Variants in AADAT observed in about 807,000 individuals in gnomAD.
AADAT encodes kynurenine/alpha-aminoadipate aminotransferase, mitochondrial.
Under a neutral mutation model 56.2 loss-of-function variants are expected in AADAT, and 25 were observed. The observed-to-expected ratio is 0.44, with a 90% CI of 0.32 to 0.62. The LOEUF is 0.62. AADAT is among the 20% of genes least tolerant of loss of function. AADAT has a pLI of 0.04. For missense variants in AADAT, 387 were observed against 510.5 expected (o/e 0.76, Z 2.33); for synonymous variants, 173 against 164.7 (o/e 1.05, Z -0.39).
intron 10 of AADAT, 67 bp downstream of exon 10, chr4:170,066,347 C>T (rs1731460934): frequency 7.7e-7 from 1 of 1,297,408 alleles, no homozygotes; most frequent in African/African-American, 1.5e-5. Flanking sequence ...TAGTAATATT[C>T]AGTGTTTATC....
At chr4:170,093,192 G>A (rs1209002675), upstream of AADAT, among the ~76,000 whole-genome samples, 7 of 152,132 alleles carry the variant, frequency 4.6e-5, no homozygotes, top group Admixed American at 2.6e-4. Flanking sequence ...ACTTTGGGAG[G>A]CCAAGGTGGG....
intron 11 of AADAT, among the ~76,000 whole-genome samples, chr4:170,062,747 T>A (rs1731256095): frequency 6.6e-6 from 1 of 152,134 alleles, no homozygotes; most frequent in African/African-American, 2.4e-5. Flanking sequence ...AGAAGCCAGG[T>A]AAGAGATGTC....
Position 170,089,806 on chromosome 4 carries a change from T to A in AADAT, c.-116A>T. The A allele has an allele frequency of 2.8e-6, 3 of 1,058,310 alleles. No individual in the cohort carries two copies. Among genetic ancestry groups the A allele is most frequent in the Non-Finnish European group, 2.8e-6 (2 of 710,382 alleles). 65.6% of individuals were successfully genotyped at this position (1,058,310 alleles called of 1,614,324 possible). On this transcript the variant is annotated 5_prime_UTR_variant, in exon 1 of 13. Transcript: ENST00000337664. ...TCACTCTGGCAACGCCACCGCGAGA[T>A]GTGTCCCCCCGCTGCGTCTGGCTTC...
intron 3 of AADAT, among the ~76,000 whole-genome samples, chr4:170,079,957 A>G (rs575389362): frequency 7.2e-5 from 11 of 152,202 alleles, no homozygotes; most frequent in Non-Finnish European, 1.3e-4. Context: ...GGACTGAGCT[A>G]CAGGGAACTC....
chr4:170,085,253 T>C (rs1581596368), intron 3 of AADAT, among the ~76,000 whole-genome samples: 1 of 152,206 alleles, frequency 6.6e-6, no homozygotes, highest in East Asian at 1.9e-4. Flanking sequence ...ATATGCAGAT[T>C]TTCAACTGCA....
chr4:170,070,445 T>A, intron 6 of AADAT, 142 bp downstream of exon 6: 1 of 597,290 alleles, frequency 1.7e-6, no homozygotes, highest in Non-Finnish European at 2.9e-6. Flanking sequence ...AGTAAAGTAG[T>A]AGCAAATTAA....
chr4:170,094,093 G>T (rs1028018940), upstream of AADAT, among the ~76,000 whole-genome samples: 1 of 152,156 alleles, frequency 6.6e-6, no homozygotes, highest in Non-Finnish European at 1.5e-5. Flanking sequence ...GAGACGGTTG[G>T]GGGTGCTGAT....
At chr4:170,080,406 CT>C (rs2111194428) in intron 3 of AADAT, among the ~76,000 whole-genome samples, 1 of 152,300 alleles carries the variant, frequency 6.6e-6, no homozygotes, top group South Asian at 2.1e-4. Context: ...TCCCCACCAT[CT>C]TTGGTTCCCT....
intron 11 of AADAT, among the ~76,000 whole-genome samples, chr4:170,063,476 A>G (rs1284440287): frequency 6.6e-6 from 1 of 152,258 alleles, no homozygotes; most frequent in Non-Finnish European, 1.5e-5. Flanking sequence ...AAAAGAATGT[A>G]TCAAATTGAT....
chr4:170,061,872 G>A lies in AADAT; in HGVS notation c.1236+20C>T. On this transcript the variant is annotated intron_variant, in intron 12 of 12. Transcript: ENST00000337664. The stretch of plus-strand genomic sequence containing the variant: ...CAGAACTGCTAGCTAGTGTTACTCT[G>A]AGGAGAATACTACACTCACCACATC... 1 of 1,567,004 alleles carries A rather than the reference G, an allele frequency of 6.4e-7. No individual in the cohort carries two copies. The highest frequency in any genetic ancestry group is 1.4e-5 in the African/African-American group (1 of 73,770).
At chr4:170,093,937 T>C (rs1423570549), upstream of AADAT, among the ~76,000 whole-genome samples, 1 of 152,202 alleles carries the variant, frequency 6.6e-6, no homozygotes, top group African/African-American at 2.4e-5. Context: ...TAATTGATTT[T>C]TTTACCCCCT....
rs1360571291 is a variant in AADAT at position 170,060,912 on chromosome 4, AC to A, written c.*15del. The A allele has an allele frequency of 1.3e-6, 2 of 1,541,142 alleles. No individual in the cohort carries two copies. Among genetic ancestry groups the A allele is most frequent in the African/African-American group, 2.8e-5 (2 of 72,672 alleles). ...TTATAGGTGTGAGCCACCATGCCCA[AC>A]CTAGTTTAATTTCTTCATAAAGATT... On this transcript the variant is annotated 3_prime_UTR_variant, in exon 13 of 13. Coordinates refer to ENST00000337664, the MANE Select transcript of AADAT (RefSeq NM_016228.4).
intron 4 of AADAT, among the ~76,000 whole-genome samples, chr4:170,077,053 T>C (rs964508310): frequency 6.6e-6 from 1 of 152,212 alleles, no homozygotes; most frequent in Non-Finnish European, 1.5e-5. Flanking sequence ...TCTATTCTAT[T>C]GGTCTATATG....
At chr4:170,077,611 C>A (rs1197026676) in intron 4 of AADAT, among the ~76,000 whole-genome samples, 1 of 152,100 alleles carries the variant, frequency 6.6e-6, no homozygotes, top group African/African-American at 2.4e-5. Flanking sequence ...TTACTTTAGC[C>A]ATATTTGTGT....
chr4:170,065,282 GTAAT>G (rs1444419773), intron 10 of AADAT, among the ~76,000 whole-genome samples: 1 of 152,186 alleles, frequency 6.6e-6, no homozygotes, highest in Non-Finnish European at 1.5e-5. Flanking sequence ...TTATCAGAAT[GTAAT>G]TAATTATGAA....
At position 170,068,630 on chromosome 4, in the gene AADAT, G is replaced by A. The variant is rs1731602970; in HGVS notation, c.861C>T (p.His287=). Residue 287 remains histidine, a synonymous_variant, in exon 8 of 13, where the codon CAC becomes CAT. Transcript: ENST00000337664. ...PKPLIERVIL[H]IQVSTLHPST... is the part of the protein sequence containing the mutation. The stretch of plus-strand genomic sequence containing the variant: ...TGGGGTGCAATGTTGAAACTTGTAT[G>A]TGTAAAATAACTCTCTCTATTAAGG... 1 of 1,607,766 alleles carries A rather than the reference G, an allele frequency of 6.2e-7. No individual in the cohort carries two copies. Among genetic ancestry groups the A allele is most frequent in the Non-Finnish European group, 8.5e-7 (1 of 1,178,800 alleles).
chr4:170,069,490 C>T (rs1731656073), intron 6 of AADAT, among the ~76,000 whole-genome samples: 1 of 152,158 alleles, frequency 6.6e-6, no homozygotes, highest in Admixed American at 6.5e-5. Flanking sequence ...TTATTATGAA[C>T]TTAAGGAAAC....
intron 11 of AADAT, among the ~76,000 whole-genome samples, chr4:170,062,657 G>T (rs879265443): frequency 1.3e-5 from 2 of 152,186 alleles, no homozygotes; most frequent in Admixed American, 6.5e-5. Context: ...TTCTTCCTGG[G>T]CATCACATGT....
upstream of AADAT, among the ~76,000 whole-genome samples, chr4:170,092,323 C>T (rs1732885779): frequency 6.6e-6 from 1 of 152,224 alleles, no homozygotes; most frequent in African/African-American, 2.4e-5. Context: ...CCGTGGAGAC[C>T]ACGCACCCAC....
Sources: gnomAD v4.1 joint callset for allele counts (sites outside exome capture counted in the v4.1 genomes callset) on GRCh38, gnomAD v4.1.1 for gene constraint, MANE v1.5 for transcripts, NCBI Gene and HGNC (gene_info 2026-07-23, HGNC 2026-07-21) for gene names.